The following ADCY5 variants were observed in gnomAD, a reference collection of about 807,000 sequenced individuals.
The protein encoded by ADCY5 is adenylate cyclase type 5.
A neutral mutation model predicts 119.7 loss-of-function variants in ADCY5; 30 were observed. That is an observed-to-expected ratio of 0.25 (90% CI 0.19 to 0.34). The LOEUF is 0.34. ADCY5 is among the 10% of genes least tolerant of loss of function. The probability of loss-of-function intolerance (pLI) is 1.00; values close to 1 mark genes in which losing one functional copy is unlikely to be tolerated. For synonymous variants in ADCY5, 753 were observed against 762.2 expected (o/e 0.99, Z 0.20); for missense variants, 1,324 against 1,775.2 (o/e 0.75, Z 4.57).
Position 123,297,432 on chromosome 3 carries a change from G to A in ADCY5, c.2901-50C>T, listed in dbSNP as rs765073454. The A allele has an allele frequency of 5.0e-6, 8 of 1,597,810 alleles. No individual in the cohort carries two copies. The East Asian group carries it at 1.3e-4, about 27-fold the overall frequency. The stretch of plus-strand genomic sequence containing the variant: ...GGTCAGGGCCACCCTTCTGCATAAG[G>A]CGGCCTCCACTCCTGCTCAGCCCCC... On this transcript the variant is annotated intron_variant, in intron 15 of 20. Coordinates refer to ENST00000462833, the MANE Select transcript of ADCY5 (RefSeq NM_183357.3).
Position 123,303,069 on chromosome 3 carries a change from A to C in ADCY5, c.2710T>G (p.Cys904Gly). Residue 904 changes from cysteine to glycine, a missense_variant, in exon 14 of 21, where the codon TGC (cysteine) becomes GGC (glycine). By Grantham distance (159) the Cys-to-Gly change is radical (BLOSUM62 -3). This residue lies in a region of ADCY5 where 424 missense variants were observed against 546.8 expected (regional missense o/e 0.78). Transcript: ENST00000462833. ...QGFCGSPWPN[C>G]NFPEYFTYSV... ...GCACCCAGTACCTCGGGGAAGTTGC[A>C]GTTGGGCCAGGGGCTGCCACAGAAG... is the stretch of plus-strand genomic sequence containing the variant. The C allele has an allele frequency of 6.2e-7, 1 of 1,613,668 alleles. No individual in the cohort carries two copies. The highest frequency in any genetic ancestry group is 8.5e-7 in the Non-Finnish European group (1 of 1,180,002).
intron 19 of ADCY5, among the ~76,000 whole-genome samples, chr3:123,289,385 A>G (rs1938993834): frequency 6.6e-6 from 1 of 152,218 alleles, no homozygotes; most frequent in African/African-American, 2.4e-5. Context: ...CAACCACCAG[A>G]AGGCCCCATG....
In ADCY5 at chr3:123,282,672, C is replaced by CA. The variant is rs1938450163; in HGVS notation, c.*1935dup. 1 of 152,398 alleles carries CA rather than the reference C, an allele frequency of 6.6e-6. No individual in the cohort carries two copies. Among genetic ancestry groups the CA allele is most frequent in the African/African-American group, 2.4e-5 (1 of 41,442 alleles). 9.4% of individuals were successfully genotyped at this position (152,398 alleles called of 1,614,324 possible). On this transcript the variant is annotated 3_prime_UTR_variant, in exon 21 of 21. Coordinates refer to ENST00000462833, the MANE Select transcript of ADCY5 (RefSeq NM_183357.3). ...GACGTCAGGATGGCAATGCAGAACTCAAAGGATGGAGCAGCAGAAGCACGG... is the reference window on the plus strand; with the variant it reads ...GACGTCAGGATGGCAATGCAGAACTCAAAAGGATGGAGCAGCAGAAGCACGG...
At chr3:123,377,100 C>T (rs996108346) in intron 1 of ADCY5, among the ~76,000 whole-genome samples, 1 of 152,242 alleles carries the variant, frequency 6.6e-6, no homozygotes, top group East Asian at 1.9e-4. Flanking sequence ...GCACAGCAGA[C>T]AAGAGCTGGA....
In ADCY5 at chr3:123,289,900, T is replaced by C; in HGVS notation, c.3382A>G (p.Thr1128Ala). ...QLEKIKTIGS[T>A]YMAASGLNDS... ...TTGAGGCCGGAGGCAGCCATGTAGGTGCTGCCGATGGTCTTGATCTTCTCC... is the reference window on the plus strand; with the variant it reads ...TTGAGGCCGGAGGCAGCCATGTAGGCGCTGCCGATGGTCTTGATCTTCTCC... Residue 1128 changes from threonine to alanine, a missense_variant, in exon 19 of 21, where the codon ACC becomes GCC. Coordinates refer to ENST00000462833, the MANE Select transcript of ADCY5 (RefSeq NM_183357.3). 1.2e-6 allele frequency: 2 copies of C among 1,614,178 alleles called. No individual in the cohort carries two copies. Among genetic ancestry groups the C allele is most frequent in the South Asian group, 2.2e-5 (2 of 91,082 alleles).
At chr3:123,442,724 T>G (rs183873344) in intron 1 of ADCY5, among the ~76,000 whole-genome samples, 14 of 152,112 alleles carry the variant, frequency 9.2e-5, no homozygotes, top group African/African-American at 3.4e-4. Flanking sequence ...ATTCCTGAAG[T>G]CCTCCCCCAG....
intron 1 of ADCY5, among the ~76,000 whole-genome samples, chr3:123,377,570 G>T (rs1255704625): frequency 6.6e-6 from 1 of 152,212 alleles, no homozygotes; most frequent in East Asian, 1.9e-4. Context: ...TTTTCCATCA[G>T]TGTGCAACTT....
chr3:123,317,986 G>A, intron 11 of ADCY5, 34 bp downstream of exon 11: 1 of 1,584,346 alleles, frequency 6.3e-7, no homozygotes, highest in African/African-American at 1.3e-5. Flanking sequence ...CCTGCAGCCA[G>A]AGGAAGGAGC....
rs1375363447 is a variant in ADCY5, at chr3:123,282,860, T to C, written c.*1748A>G. On this transcript the variant is annotated 3_prime_UTR_variant, in exon 21 of 21. Coordinates refer to ENST00000462833, the MANE Select transcript of ADCY5 (RefSeq NM_183357.3). ...CAGCTGGCACAGAGCCACTGCCTCA[T>C]CACCTCCAAGCTCATGTTGGAGGTG... is the stretch of plus-strand genomic sequence containing the variant. 1 of 152,108 alleles carries C rather than the reference T, an allele frequency of 6.6e-6. No homozygotes were observed. Among genetic ancestry groups the C allele is most frequent in the East Asian group, 1.9e-4 (1 of 5,190 alleles). 9.4% of individuals were successfully genotyped at this position (152,108 alleles called of 1,614,324 possible). A position where few individuals can be genotyped will look rare whatever the true frequency, so the allele number is the denominator to read the frequency against.
Position 123,327,682 on chromosome 3 carries a change from C to T in ADCY5, c.1883G>A (p.Arg628His), listed in dbSNP as rs776576667. 17 of 1,613,976 alleles carry T rather than the reference C, an allele frequency of 1.1e-5. No individual in the cohort carries two copies. Among genetic ancestry groups the T allele is most frequent in the Non-Finnish European group, 1.4e-5 (17 of 1,180,018 alleles). The change falls in exon 7 of 21, where the codon CGC becomes CAC. Residue 628 changes from arginine (R) to histidine (H), a missense_variant. Arg to His is a conservative substitution (Grantham distance 29, BLOSUM62 0). Transcript: ENST00000462833. ...YEVEPGCGGE[R>H]NAYLKEHSIE... ...ACTGTGCTCCTTGAGGTAGGCGTTG[C>T]GCTCGCCCCCACAGCCTGGCTCCAC...
At chr3:123,365,156 C>A (rs1298846179) in intron 1 of ADCY5, among the ~76,000 whole-genome samples, 1 of 152,118 alleles carries the variant, frequency 6.6e-6, no homozygotes, top group African/African-American at 2.4e-5. Context: ...TAGGGTTTCA[C>A]CATGCTGGCC....
At chr3:123,338,935 G>A (rs960539948) in intron 3 of ADCY5, among the ~76,000 whole-genome samples, 1 of 152,182 alleles carries the variant, frequency 6.6e-6, no homozygotes, top group Admixed American at 6.5e-5. Flanking sequence ...ACACCCAGGT[G>A]CTGAGTTTTT....
At chr3:123,293,875 C>T (rs1287732111) in intron 17 of ADCY5, among the ~76,000 whole-genome samples, 1 of 152,160 alleles carries the variant, frequency 6.6e-6, no homozygotes, top group African/African-American at 2.4e-5. Context: ...TTTCTAAACA[C>T]CACTCTCTAC....
intron 1 of ADCY5, among the ~76,000 whole-genome samples, chr3:123,369,219 T>C (rs1166321503): frequency 5.3e-5 from 8 of 152,226 alleles, no homozygotes; most frequent in Non-Finnish European, 1.2e-4. Context: ...CGCCATGTGA[T>C]GCCACCCACC....
chr3:123,417,924 A>T (rs967468183), intron 1 of ADCY5, among the ~76,000 whole-genome samples: 1 of 152,182 alleles, frequency 6.6e-6, no homozygotes, highest in African/African-American at 2.4e-5. Flanking sequence ...GAAAATGCAG[A>T]GTGGGTGGCC....
At chr3:123,349,464 G>A (rs1229400257) in intron 2 of ADCY5, among the ~76,000 whole-genome samples, 1 of 151,912 alleles carries the variant, frequency 6.6e-6, no homozygotes, top group African/African-American at 2.4e-5. Context: ...TTCTGGTCGC[G>A]ACACCCTGGA....
chr3:123,292,209 G>A (rs1939195977), intron 17 of ADCY5, among the ~76,000 whole-genome samples: 1 of 152,208 alleles, frequency 6.6e-6, no homozygotes, highest in East Asian at 1.9e-4. Flanking sequence ...CTAACTAAAT[G>A]AAGACACTTT....
chr3:123,416,477 A>G, intron 1 of ADCY5: 1 of 736,440 alleles, frequency 1.4e-6, no homozygotes, highest in Non-Finnish European at 2.1e-6. Context: ...AAGGCACTGA[A>G]GGACGCAGAA....
intron 8 of ADCY5, among the ~76,000 whole-genome samples, chr3:123,324,580 C>G (rs1020369045): frequency 1.3e-5 from 2 of 152,206 alleles, no homozygotes; most frequent in African/African-American, 2.4e-5. Flanking sequence ...ACCTCTCAGA[C>G]AGTAGGAGAG....
Sources: gnomAD v4.1 joint callset for allele counts (sites outside exome capture counted in the v4.1 genomes callset) on GRCh38, gnomAD v4.1.1 for gene constraint, gnomAD v4.1.1 regional missense constraint, MANE v1.5 for transcripts, NCBI Gene and HGNC (gene_info 2026-07-23, HGNC 2026-07-21) for gene names.